The following PDE7A variants were observed in gnomAD, a reference collection of about 807,000 sequenced individuals.
PDE7A encodes high affinity 3',5'-cyclic-AMP phosphodiesterase 7A.
In PDE7A, 39 loss-of-function variants were observed where a neutral mutation model predicts 64.3. The observed-to-expected ratio is 0.61, with a 90% confidence interval of 0.47 to 0.79. The LOEUF (loss-of-function observed/expected upper bound fraction) is 0.79. Among genes scored for constraint, PDE7A ranks in the 30% least tolerant of loss-of-function variants. The probability of loss-of-function intolerance (pLI) is 0.00; values close to 1 mark genes in which losing one functional copy is unlikely to be tolerated. For missense variants in PDE7A, 470 were observed against 582.8 expected (o/e 0.81, Z 1.99); for synonymous variants, 203 against 206.8 (o/e 0.98, Z 0.16).
At chr8:65,824,721 A>G (rs1056188398) in intron 1 of PDE7A, among the ~76,000 whole-genome samples, 15 of 152,206 alleles carry the variant, frequency 9.9e-5, no homozygotes, top group Admixed American at 3.3e-4. Flanking sequence ...TTTCAGCAAT[A>G]AAGTATTTTT....
chr8:65,788,444 G>A (rs140665008), intron 1 of PDE7A, among the ~76,000 whole-genome samples: 79 of 152,238 alleles, frequency 5.2e-4, no homozygotes, highest in African/African-American at 1.7e-3. Flanking sequence ...AAACATGATA[G>A]ACGGTGGTTT....
At chr8:65,806,376 G>A (rs531265514) in intron 1 of PDE7A, among the ~76,000 whole-genome samples, 30 of 152,294 alleles carry the variant, frequency 2.0e-4, no homozygotes, top group African/African-American at 5.5e-4. Context: ...GGAGTGGGGA[G>A]TGCTATTGAG....
chr8:65,819,785 A>G (rs937582887), intron 1 of PDE7A, among the ~76,000 whole-genome samples: 7 of 152,252 alleles, frequency 4.6e-5, no homozygotes, highest in African/African-American at 1.7e-4. Context: ...CTTCCTGAGC[A>G]TACAATCAGT....
At position 65,717,749 on chromosome 8, in the gene PDE7A, C is replaced by T. The variant is rs960884947; in HGVS notation, c.*1541G>A. 27 of 152,286 alleles carry T rather than the reference C, an allele frequency of 1.8e-4. 2 individuals are homozygous for T. The highest frequency in any genetic ancestry group is 1.6e-3 in the Admixed American group (24 of 15,288). 9.4% of individuals were successfully genotyped at this position (152,286 alleles called of 1,614,324 possible). A position where few individuals can be genotyped will look rare whatever the true frequency, so the allele number is the denominator to read the frequency against. On this transcript the variant is annotated 3_prime_UTR_variant, in exon 13 of 13. Transcript: ENST00000401827. ...CAGGCACATATTAAAATGAGTATGG[C>T]AAAGCCTTTTACAAATGGCTTTACA...
chr8:65,730,197 T>TTTTA (rs1806810961), intron 7 of PDE7A, among the ~76,000 whole-genome samples: 1 of 119,324 alleles, frequency 8.4e-6, no homozygotes, highest in African/African-American at 3.5e-5. Flanking sequence ...TTTTTTTTTT[T>TTTTA]GAGATGGAGT....
At chr8:65,746,973 T>C (rs560237905) in intron 4 of PDE7A, among the ~76,000 whole-genome samples, 1 of 152,346 alleles carries the variant, frequency 6.6e-6, no homozygotes, top group South Asian at 2.1e-4. Context: ...AAATTTAATA[T>C]TATTTAAAAT....
At chr8:65,801,676 C>G (rs1563513034) in intron 1 of PDE7A, among the ~76,000 whole-genome samples, 1 of 152,034 alleles carries the variant, frequency 6.6e-6, no homozygotes, top group Non-Finnish European at 1.5e-5. Context: ...AAATTATGTG[C>G]AATTTGATAA....
At chr8:65,814,166 T>C (rs556601274) in intron 1 of PDE7A, among the ~76,000 whole-genome samples, 2 of 152,310 alleles carry the variant, frequency 1.3e-5, no homozygotes, top group South Asian at 4.1e-4. Context: ...TATAAAGATG[T>C]GCAAGATACA....
At chr8:65,758,897 A>G (rs1056099828) in intron 3 of PDE7A, among the ~76,000 whole-genome samples, 31 of 152,162 alleles carry the variant, frequency 2.0e-4, no homozygotes, top group African/African-American at 7.0e-4. Context: ...CTTGCCAGCT[A>G]TGTTCAGGGC....
chr8:65,773,215 C>T (rs1304166994), intron 3 of PDE7A, among the ~76,000 whole-genome samples: 1 of 152,036 alleles, frequency 6.6e-6, no homozygotes, highest in Non-Finnish European at 1.5e-5. Flanking sequence ...AAAAAGAATT[C>T]CAAGCTGTGT....
At chr8:65,829,059 T>C (rs1810746376) in intron 1 of PDE7A, among the ~76,000 whole-genome samples, 1 of 152,132 alleles carries the variant, frequency 6.6e-6, no homozygotes, top group South Asian at 2.1e-4. Context: ...TTAAAATATA[T>C]ATTCACTATG....
At chr8:65,765,352 A>ACG (rs1808720605) in intron 3 of PDE7A, among the ~76,000 whole-genome samples, 1 of 149,752 alleles carries the variant, frequency 6.7e-6, no homozygotes, top group Non-Finnish European at 1.5e-5. Context: ...AGCCGGGCGT[A>ACG]GTGGCGGGCG....
At chr8:65,742,036 CAGTG>C (rs1807460486) in intron 5 of PDE7A, among the ~76,000 whole-genome samples, 1 of 152,140 alleles carries the variant, frequency 6.6e-6, no homozygotes, top group South Asian at 2.1e-4. Context: ...ATTATAATAC[CAGTG>C]AGTAAGAACA....
chr8:65,777,325 C>T (rs1031276871), intron 3 of PDE7A, among the ~76,000 whole-genome samples: 7 of 151,240 alleles, frequency 4.6e-5, no homozygotes, highest in Non-Finnish European at 1.0e-4. Flanking sequence ...ATGATCCGCC[C>T]GCCTCAGCCT....
At chr8:65,816,983 G>A (rs1270043435) in intron 1 of PDE7A, among the ~76,000 whole-genome samples, 1 of 152,050 alleles carries the variant, frequency 6.6e-6, no homozygotes, top group Non-Finnish European at 1.5e-5. Flanking sequence ...ACAGATTTCT[G>A]AGCTCTGTTC....
chr8:65,836,857 G>A (rs1810962614), intron 1 of PDE7A, among the ~76,000 whole-genome samples: 1 of 152,146 alleles, frequency 6.6e-6, no homozygotes, highest in African/African-American at 2.4e-5. Flanking sequence ...CATCATCACA[G>A]AAAGTTCTAC....
intron 1 of PDE7A, among the ~76,000 whole-genome samples, chr8:65,812,297 G>A (rs776944037): frequency 2.6e-5 from 4 of 151,718 alleles, no homozygotes; most frequent in African/African-American, 4.8e-5. Context: ...TCAAATAAAT[G>A]GAGAAAAGAT....
intron 7 of PDE7A, among the ~76,000 whole-genome samples, chr8:65,729,844 C>A (rs1381369839): frequency 1.3e-5 from 2 of 152,120 alleles, no homozygotes; most frequent in South Asian, 2.1e-4. Context: ...GCTGGAATCA[C>A]AGGCATAAGC....
chr8:65,812,577 T>C (rs1400375530), intron 1 of PDE7A, among the ~76,000 whole-genome samples: 1 of 152,122 alleles, frequency 6.6e-6, no homozygotes, highest in Non-Finnish European at 1.5e-5. Flanking sequence ...AAATGACACA[T>C]TTAATTAAAT....
Sources: allele counts gnomAD v4.1 joint callset (sites outside exome capture counted in the v4.1 genomes callset), GRCh38; gene constraint gnomAD v4.1.1; transcripts MANE v1.5; gene names NCBI Gene and HGNC (gene_info 2026-07-23, HGNC 2026-07-21).